RBMS3: variants seen among roughly 807,000 people sequenced by gnomAD.
The protein encoded by RBMS3 is RNA binding motif single stranded interacting protein 3, also known as RNA-binding motif, single-stranded-interacting protein 3.
A neutral mutation model predicts 66.8 loss-of-function variants in RBMS3; 27 were observed. That is an observed-to-expected ratio of 0.40 (90% confidence interval 0.30 to 0.56). RBMS3 has a LOEUF of 0.56. RBMS3 is among the 20% of genes least tolerant of loss of function. RBMS3 has a pLI of 0.40. For synonymous variants in RBMS3, 188 were observed against 183.0 expected (o/e 1.03, Z -0.22); for missense variants, 513 against 549.5 (o/e 0.93, Z 0.66).
chr3:29,311,573 T>C (rs2034376727), intron 1 of RBMS3, among the ~76,000 whole-genome samples: 1 of 151,792 alleles, frequency 6.6e-6, no homozygotes, highest in African/African-American at 2.4e-5. Context: ...ATAATTTAGA[T>C]TCAGGTGTTT....
chr3:29,829,982 A>C (rs866263977), intron 6 of RBMS3, among the ~76,000 whole-genome samples: 4 of 124,576 alleles, frequency 3.2e-5, no homozygotes, highest in Non-Finnish European at 7.1e-5. Flanking sequence ...GGAATTAATA[A>C]AAAAAAAAAT....
chr3:29,876,171 C>G (rs971754720), intron 7 of RBMS3, among the ~76,000 whole-genome samples: 2 of 152,104 alleles, frequency 1.3e-5, no homozygotes, highest in African/African-American at 4.8e-5. Context: ...AGAAGGGCCT[C>G]CAGGTTTTCA....
chr3:29,312,951 C>T (rs945794955), intron 1 of RBMS3, among the ~76,000 whole-genome samples: 12 of 151,826 alleles, frequency 7.9e-5, no homozygotes, highest in Middle Eastern at 3.4e-3. Flanking sequence ...GTGCCATTCA[C>T]GTGTACCCCA....
chr3:29,316,805 G>A (rs1203672344), intron 1 of RBMS3, among the ~76,000 whole-genome samples: 1 of 151,722 alleles, frequency 6.6e-6, no homozygotes, highest in Non-Finnish European at 1.5e-5. Flanking sequence ...GCTTGTGTAA[G>A]TGGTGATGTG....
chr3:29,995,236 C>T (rs1296603034), intron 14 of RBMS3, among the ~76,000 whole-genome samples: 2 of 151,956 alleles, frequency 1.3e-5, no homozygotes, highest in South Asian at 2.1e-4. Flanking sequence ...AAGAAATGAG[C>T]AAAGCCTCCA....
chr3:29,752,032 T>A (rs2055205554), intron 5 of RBMS3, among the ~76,000 whole-genome samples: 1 of 152,232 alleles, frequency 6.6e-6, no homozygotes, highest in East Asian at 1.9e-4. Flanking sequence ...GACAGCCTCT[T>A]CCCCCTCACC....
intron 4 of RBMS3, among the ~76,000 whole-genome samples, chr3:29,606,818 C>T (rs2048333410): frequency 6.6e-6 from 1 of 151,846 alleles, no homozygotes; most frequent in African/African-American, 2.4e-5. Flanking sequence ...TCAGAAAATA[C>T]ATGAGATAAA....
intron 12 of RBMS3, among the ~76,000 whole-genome samples, chr3:29,985,810 C>A (rs1191990567): frequency 6.6e-6 from 1 of 152,124 alleles, no homozygotes; most frequent in Admixed American, 6.5e-5. Flanking sequence ...TTGCCAACTA[C>A]CCCCAATGCT....
chr3:29,884,469 T>TCTCTCTCTCCC (rs1553692501), intron 8 of RBMS3, among the ~76,000 whole-genome samples: 1 of 66,334 alleles, frequency 1.5e-5, no homozygotes, highest in Admixed American at 1.5e-4. Context: ...TCTCTCTCTC[T>TCTCTCTCTCCC]CCCCCCCCGC....
chr3:29,547,346 C>T (rs1204357571), intron 3 of RBMS3, among the ~76,000 whole-genome samples: 1 of 152,062 alleles, frequency 6.6e-6, no homozygotes, highest in Non-Finnish European at 1.5e-5. Context: ...CATTCATTAT[C>T]ACTCATTATC....
In RBMS3 at chr3:29,739,272, C is replaced by T. The variant is rs148489573; in HGVS notation, c.400-448C>T. ...GAGATGGAGACCATCCTGGCTAACA[C>T]GGTGAAACCCCGTCTCTACTAAAAA... On this transcript the variant is annotated intron_variant, in intron 4 of 14. Transcript: ENST00000383767. 8.7e-4 allele frequency among the ~76,000 whole-genome samples: 133 copies of T among 152,014 alleles called. 1 individual carries two copies. The highest frequency in any genetic ancestry group is 3.0e-3 in the African/African-American group (125 of 41,488).
intron 1 of RBMS3, among the ~76,000 whole-genome samples, chr3:29,335,342 T>C (rs993815576): frequency 7.2e-5 from 11 of 152,128 alleles, no homozygotes; most frequent in African/African-American, 2.4e-4. Flanking sequence ...TATGTGCCCA[T>C]ATAATGCCTG....
At chr3:29,767,872 A>G (rs1334288860) in intron 6 of RBMS3, among the ~76,000 whole-genome samples, 1 of 151,998 alleles carries the variant, frequency 6.6e-6, no homozygotes, top group Non-Finnish European at 1.5e-5. Flanking sequence ...GAGCTTTGCG[A>G]TCTGTGTTTG....
chr3:29,283,574 T>C (rs535900683), intron 1 of RBMS3, among the ~76,000 whole-genome samples: 2 of 152,082 alleles, frequency 1.3e-5, no homozygotes, highest in East Asian at 3.9e-4. Flanking sequence ...GAGTTCTATG[T>C]AGTTTAGTGT....
intron 5 of RBMS3, among the ~76,000 whole-genome samples, chr3:29,751,772 G>A (rs895959227): frequency 2.0e-5 from 3 of 152,184 alleles, no homozygotes; most frequent in Non-Finnish European, 4.4e-5. Flanking sequence ...TCACAAAGGG[G>A]CGGCTCGGTT....
At chr3:29,660,265 CTTGCTATA>C (rs200980643) in intron 4 of RBMS3, among the ~76,000 whole-genome samples, 4,162 of 152,134 alleles carry the variant, frequency 0.027, 204 homozygotes, top group African/African-American at 0.096. Context: ...CATTAATCAT[CTTGCTATA>C]TTAAAATTTT....
chr3:29,334,547 A>G (rs1260503583), intron 1 of RBMS3, among the ~76,000 whole-genome samples: 1 of 152,166 alleles, frequency 6.6e-6, no homozygotes, highest in Non-Finnish European at 1.5e-5. Flanking sequence ...TGATAAATCA[A>G]AAACTAATAT....
chr3:29,358,692 TC>T (rs2037378588), intron 1 of RBMS3, among the ~76,000 whole-genome samples: 9 of 152,238 alleles, frequency 5.9e-5, no homozygotes, highest in Admixed American at 5.9e-4. Context: ...GGAATGTTCT[TC>T]CATTTTTTTG....
intron 2 of RBMS3, among the ~76,000 whole-genome samples, chr3:29,440,949 A>G (rs1053616209): frequency 6.6e-6 from 1 of 152,208 alleles, no homozygotes; most frequent in Admixed American, 6.5e-5. Flanking sequence ...CATGCACTCC[A>G]GGGTAAACAA....
Sources: allele counts gnomAD v4.1 joint callset (sites outside exome capture counted in the v4.1 genomes callset), GRCh38; gene constraint gnomAD v4.1.1; transcripts MANE v1.5; gene names NCBI Gene and HGNC (gene_info 2026-07-23, HGNC 2026-07-21).